CRHR2: variants seen among roughly 807,000 people sequenced by gnomAD.
CRHR2 encodes corticotropin-releasing hormone receptor 2.
CRHR2 carries 53 observed loss-of-function variants against 57.9 expected under a neutral mutation model. That is an observed-to-expected ratio of 0.92 (90% CI 0.73 to 1.15). The LOEUF (loss-of-function observed/expected upper bound fraction) is 1.15, where lower values mean the gene tolerates loss of function less well. CRHR2 is among the 50% of genes most tolerant of loss of function. The pLI is 0.00. For synonymous variants in CRHR2, 213 were observed against 220.9 expected (o/e 0.96, Z 0.32); for missense variants, 532 against 542.6 (o/e 0.98, Z 0.19).
At chr7:30,692,796 C>A (rs986732011) in intron 1 of CRHR2, among the ~76,000 whole-genome samples, 2 of 152,186 alleles carry the variant, frequency 1.3e-5, no homozygotes, top group Non-Finnish European at 2.9e-5. Context: ...GCAAATAACC[C>A]CATTTCACAG....
chr7:30,683,186 C>T (rs537855276), upstream of CRHR2, among the ~76,000 whole-genome samples: 1 of 152,254 alleles, frequency 6.6e-6, no homozygotes, highest in Non-Finnish European at 1.5e-5. Context: ...TGGAGTAAGT[C>T]TAGGGGAGAA....
chr7:30,652,979 C>G lies in CRHR2; in HGVS notation c.*481G>C, dbSNP rs73294467. 0.038 allele frequency: 5,883 copies of G among 154,736 alleles called. 381 individuals carry two copies. Among genetic ancestry groups the G allele is most frequent in the African/African-American group, 0.13 (5,550 of 41,590 alleles). The allele number at this position is 154,736 out of a possible 1,614,324, so 9.6% of individuals were successfully genotyped here. ...GTGACAGCCCCTGGGATAAGGCAGC[C>G]AAACTGATCCTTTGCTGGCGTACCC... On this transcript the variant is annotated 3_prime_UTR_variant, in exon 12 of 12. Coordinates refer to ENST00000471646, the MANE Select transcript of CRHR2 (RefSeq NM_001883.5). This position sits in a 1 kb window ranked among gnomAD's most constrained non-coding sequence, Gnocchi z 4.4.
intron 5 of CRHR2, 74 bp from the exon 6 acceptor site, chr7:30,662,921 C>T (rs1486413148): frequency 2.6e-6 from 4 of 1,546,362 alleles, no homozygotes; most frequent in Non-Finnish European, 3.5e-6. Flanking sequence ...CCAGGCAGGG[C>T]AACAAGACAC....
chr7:30,694,942 GA>G (rs1785028916), intron 1 of CRHR2, among the ~76,000 whole-genome samples: 2 of 142,988 alleles, frequency 1.4e-5, no homozygotes, highest in African/African-American at 5.2e-5. Flanking sequence ...GGAGAATGGG[GA>G]GGAGAGAAGG....
Position 30,681,814 on chromosome 7 carries a change from T to C in CRHR2, c.229+101A>G. 3.4e-6 allele frequency: 5 copies of C among 1,451,342 alleles called. No individual in the cohort carries two copies. The South Asian group carries it at 7.6e-5, about 22-fold the overall frequency. The allele number at this position is 1,451,342 out of a possible 1,614,324, so 89.9% of individuals were successfully genotyped here. On this transcript the variant is annotated intron_variant, in intron 2 of 11. Transcript: ENST00000471646. ...CCCGCGGTCCGCGGTACCGCGGCCGTCAGCAGCTTTGTACCGCTGGGTCCG... is the reference window on the plus strand; with the variant it reads ...CCCGCGGTCCGCGGTACCGCGGCCGCCAGCAGCTTTGTACCGCTGGGTCCG...
At chr7:30,689,873 C>A (rs1784926734) in intron 1 of CRHR2, among the ~76,000 whole-genome samples, 1 of 152,168 alleles carries the variant, frequency 6.6e-6, no homozygotes, top group South Asian at 2.1e-4. Flanking sequence ...AACCTGGATT[C>A]AGGAAGACAG....
chr7:30,691,386 A>G (rs1360103099), intron 1 of CRHR2, among the ~76,000 whole-genome samples: 2 of 152,172 alleles, frequency 1.3e-5, no homozygotes, highest in African/African-American at 4.8e-5. Flanking sequence ...CTTCTCTCAA[A>G]GCCCCTGAGC....
At chr7:30,670,640 G>A (rs1475179981) in intron 2 of CRHR2, among the ~76,000 whole-genome samples, 1 of 152,254 alleles carries the variant, frequency 6.6e-6, no homozygotes, top group Non-Finnish European at 1.5e-5. Flanking sequence ...TGTGGCCAAT[G>A]AGGGCACTGG....
chr7:30,696,439 A>G (rs1311746336), intron 1 of CRHR2, among the ~76,000 whole-genome samples: 1 of 152,174 alleles, frequency 6.6e-6, no homozygotes, highest in Non-Finnish European at 1.5e-5. Flanking sequence ...ATAAAAATTA[A>G]GGCCAGGCGC....
In CRHR2 at chr7:30,665,672, G is replaced by A; in HGVS notation, c.316-33C>T. 5 of 1,534,924 alleles carry A rather than the reference G, an allele frequency of 3.3e-6. No homozygotes were observed. Among genetic ancestry groups the A allele is most frequent in the Admixed American group, 2.0e-5 (1 of 50,962 alleles). On this transcript the variant is annotated intron_variant, in intron 3 of 11. Transcript: ENST00000471646. This position sits in a 1 kb window ranked among gnomAD's most constrained non-coding sequence, Gnocchi z 4.5. ...GACAGACATGGGCAGGGCAGATGGA[G>A]GCATGGGCACGTGGGGGTGGGGCTG...
intron 2 of CRHR2, among the ~76,000 whole-genome samples, chr7:30,669,016 A>AT (rs1186179611): frequency 1.3e-5 from 2 of 152,342 alleles, no homozygotes; most frequent in East Asian, 3.9e-4. Context: ...AGTGATAGTG[A>AT]TGTCACTGAA....
At position 30,664,124 on chromosome 7, in the gene CRHR2, G is replaced by C. The variant is rs77713955; in HGVS notation, c.543+946C>G. The stretch of plus-strand genomic sequence containing the variant: ...GCTAGAAGGCACCCTCAACTCGAGT[G>C]AACCTGTTTGATTCTGAGGCAGTGT... On this transcript the variant is annotated intron_variant, in intron 5 of 11. Transcript: ENST00000471646. Among the ~76,000 whole-genome samples the C allele has an allele frequency of 2.1e-3, 325 of 152,326 alleles. 2 individuals carry two copies. Among genetic ancestry groups the C allele is most frequent in the Middle Eastern group, 3.4e-3 (1 of 294 alleles).
At chr7:30,695,315 G>C (rs1239445759) in intron 1 of CRHR2, among the ~76,000 whole-genome samples, 1 of 152,126 alleles carries the variant, frequency 6.6e-6, no homozygotes, top group Admixed American at 6.5e-5. Context: ...CTCCTGGGCA[G>C]CTCCCAGCGG....
At chr7:30,691,109 A>C (rs555447240) in intron 1 of CRHR2, among the ~76,000 whole-genome samples, 8 of 152,188 alleles carry the variant, frequency 5.3e-5, no homozygotes, top group African/African-American at 9.6e-5. Flanking sequence ...AGGGGAGGGA[A>C]CACTCCAGAC....
intron 1 of CRHR2, chr7:30,699,909 G>A (rs255119): frequency 0.58 from 824,958 of 1,413,106 alleles, 248,720 homozygotes; most frequent in Non-Finnish European, 0.63. Flanking sequence ...TGCTCCTGGC[G>A]CCCCACCTCG....
chr7:30,696,214 T>C (rs1477200449), intron 1 of CRHR2, among the ~76,000 whole-genome samples: 2 of 152,186 alleles, frequency 1.3e-5, no homozygotes, highest in Non-Finnish European at 2.9e-5. Context: ...TAGTATTTCA[T>C]AGTACAACAG....
intron 8 of CRHR2, among the ~76,000 whole-genome samples, chr7:30,659,830 C>T (rs1471968635): frequency 6.6e-6 from 1 of 152,180 alleles, no homozygotes; most frequent in Non-Finnish European, 1.5e-5. Context: ...GAACTGTGGC[C>T]CTTTAAGGAA....
At chr7:30,692,378 G>A (rs963344727) in intron 1 of CRHR2, among the ~76,000 whole-genome samples, 2 of 152,120 alleles carry the variant, frequency 1.3e-5, no homozygotes, top group Non-Finnish European at 2.9e-5. Context: ...GCTTTCCCTC[G>A]GACAATGGGC....
chr7:30,664,993 G>A (rs1424244367), intron 5 of CRHR2, 77 bp downstream of exon 5: 3 of 1,188,108 alleles, frequency 2.5e-6, no homozygotes, highest in Non-Finnish European at 3.8e-6. Flanking sequence ...GGTCCAAGCA[G>A]AGACCAGACA....
Sources: allele counts gnomAD v4.1 joint callset (sites outside exome capture counted in the v4.1 genomes callset), GRCh38; gene constraint gnomAD v4.1.1; non-coding constraint Gnocchi (gnomAD v3.1); transcripts MANE v1.5; gene names NCBI Gene and HGNC (gene_info 2026-07-23, HGNC 2026-07-21).